LARGE1: variants seen among roughly 807,000 people sequenced by gnomAD.
The protein encoded by LARGE1 is LARGE xylosyl- and glucuronyltransferase 1, also known as xylosyl- and glucuronyltransferase LARGE1.
LARGE1 carries 43 observed loss-of-function variants against 87.6 expected under a neutral mutation model. That is an observed-to-expected ratio of 0.49 (90% confidence interval 0.38 to 0.63). The LOEUF (loss-of-function observed/expected upper bound fraction) is 0.63. LARGE1 is among the 30% of genes least tolerant of loss of function. The probability of loss-of-function intolerance (pLI) is 0.00; values close to 1 mark genes in which losing one functional copy is unlikely to be tolerated. For synonymous variants in LARGE1, 434 were observed against 394.6 expected (o/e 1.10, Z -1.18); for missense variants, 802 against 1,000.2 (o/e 0.80, Z 2.67).
intron 5 of LARGE1, among the ~76,000 whole-genome samples, chr22:33,575,282 C>T (rs2078321624): frequency 6.6e-6 from 1 of 152,188 alleles, no homozygotes; most frequent in South Asian, 2.1e-4. Flanking sequence ...TTAAGTGCCC[C>T]ACCTGAAACT....
intron 1 of LARGE1, among the ~76,000 whole-genome samples, chr22:33,861,862 T>TTTG (rs2063935110): frequency 1.1e-5 from 1 of 89,972 alleles, no homozygotes. Context: ...CAGACATTCT[T>TTTG]TTTTTTTTTT....
chr22:33,626,226 C>T lies in LARGE1; in HGVS notation c.491+18G>A. The T allele has an allele frequency of 6.2e-7, 1 of 1,610,754 alleles. No homozygotes were observed. Among genetic ancestry groups the T allele is most frequent in the Non-Finnish European group, 8.5e-7 (1 of 1,176,946 alleles). ...CAGTGACAGACCTCAGCCCACACAG[C>T]ACAGAAGTTGTTCTTACCTATGGAA... On this transcript the variant is annotated intron_variant, in intron 4 of 14. Transcript: ENST00000397394.
At chr22:33,248,487 C>T (rs1024922325) in intron 11 of LARGE1, among the ~76,000 whole-genome samples, 3 of 152,176 alleles carry the variant, frequency 2.0e-5, no homozygotes, top group African/African-American at 4.8e-5. Flanking sequence ...TGAGCCAACA[C>T]GTGAGCCACG....
intron 6 of LARGE1, among the ~76,000 whole-genome samples, chr22:33,445,620 G>A (rs919068180): frequency 3.3e-5 from 5 of 151,526 alleles, no homozygotes; most frequent in South Asian, 2.1e-4. Context: ...GGTGACAGGG[G>A]CAACACCTTT....
chr22:33,643,727 G>T (rs1044014287), intron 3 of LARGE1, among the ~76,000 whole-genome samples: 16 of 152,170 alleles, frequency 1.1e-4, no homozygotes. Flanking sequence ...TGATAAAGGG[G>T]ACATCACCAC....
At chr22:33,471,186 C>T (rs774489667) in intron 6 of LARGE1, among the ~76,000 whole-genome samples, 5 of 151,918 alleles carry the variant, frequency 3.3e-5, no homozygotes, top group Non-Finnish European at 5.9e-5. Flanking sequence ...CACTACCATG[C>T]CCAGCTCATA....
intron 6 of LARGE1, among the ~76,000 whole-genome samples, chr22:33,462,094 C>A (rs528504246): frequency 1.0e-3 from 159 of 152,224 alleles, no homozygotes; most frequent in Non-Finnish European, 1.8e-3. Context: ...ACAGATTATA[C>A]AATTTTATGA....
chr22:33,549,192 G>A (rs1303575789), intron 6 of LARGE1, among the ~76,000 whole-genome samples: 1 of 152,142 alleles, frequency 6.6e-6, no homozygotes, highest in Non-Finnish European at 1.5e-5. Flanking sequence ...TTCCACATGG[G>A]CAAGCCCAGT....
At chr22:33,808,575 C>T (rs1306695466) in intron 1 of LARGE1, among the ~76,000 whole-genome samples, 1 of 151,936 alleles carries the variant, frequency 6.6e-6, no homozygotes, top group African/African-American at 2.4e-5. Context: ...AAGCACAAGG[C>T]ACCCTGCACG....
chr22:33,159,164 G>A (rs1921947751), downstream of LARGE1, among the ~76,000 whole-genome samples: 1 of 151,884 alleles, frequency 6.6e-6, no homozygotes, highest in African/African-American at 2.4e-5. Context: ...TCCCCTTTCT[G>A]ATTCCATCAT....
chr22:33,143,328 T>C, the LARGE1 span, among the ~76,000 whole-genome samples: 2 of 152,218 alleles, frequency 1.3e-5, no homozygotes, highest in South Asian at 4.2e-4. Context: ...GTTAAAAAAA[T>C]AACCCCAACT....
intron 1 of LARGE1, among the ~76,000 whole-genome samples, chr22:33,763,344 T>C (rs1167300254): frequency 3.3e-5 from 5 of 152,076 alleles, no homozygotes; most frequent in Admixed American, 2.6e-4. Flanking sequence ...ATTTTCTAAA[T>C]GGAATTCTTT....
At chr22:33,414,416 A>G (rs943335930) in intron 7 of LARGE1, among the ~76,000 whole-genome samples, 1 of 152,126 alleles carries the variant, frequency 6.6e-6, no homozygotes, top group African/African-American at 2.4e-5. Context: ...AACAACAATA[A>G]AAGGGTGTGT....
intron 3 of LARGE1, among the ~76,000 whole-genome samples, chr22:33,648,576 G>C (rs1194437462): frequency 6.6e-6 from 1 of 152,154 alleles, no homozygotes; most frequent in Non-Finnish European, 1.5e-5. Context: ...CCTTCACCAA[G>C]GCAAGAACAG....
At chr22:33,224,638 G>C (rs1287041757) in intron 11 of LARGE1, among the ~76,000 whole-genome samples, 1 of 151,986 alleles carries the variant, frequency 6.6e-6, no homozygotes, top group Non-Finnish European at 1.5e-5. Context: ...CCTAGGACTC[G>C]GGTCCACCGT....
the LARGE1 span, among the ~76,000 whole-genome samples, chr22:33,125,807 G>A: frequency 4.7e-4 from 72 of 152,132 alleles, no homozygotes; most frequent in South Asian, 0.015. Flanking sequence ...GAGTGCAGTG[G>A]TGCAATCTTG....
At chr22:33,084,576 C>A in the LARGE1 span, among the ~76,000 whole-genome samples, 41 of 151,348 alleles carry the variant, frequency 2.7e-4, no homozygotes, top group Admixed American at 1.4e-3. Flanking sequence ...ATTGCTTGAA[C>A]CCCAAGAGGT....
Position 33,533,623 on chromosome 22 carries a change from G to A in LARGE1, c.787+31225C>T, listed in dbSNP as rs1023919087. ...ATGGGCTAATATCAAGTCGGGAAAC[G>A]TTAGCCCAGCAACTGCACTCAATAA... On this transcript the variant is annotated intron_variant, in intron 6 of 14. Coordinates refer to ENST00000397394, the MANE Select transcript of LARGE1 (RefSeq NM_133642.5). Among the ~76,000 whole-genome samples, 31 of 152,184 alleles carry A rather than the reference G, an allele frequency of 2.0e-4. 2 individuals carry two copies. Among genetic ancestry groups the A allele is most frequent in the Admixed American group, 1.6e-3 (24 of 15,280 alleles).
intron 1 of LARGE1, among the ~76,000 whole-genome samples, chr22:33,768,579 G>C (rs562464865): frequency 1.6e-4 from 24 of 152,060 alleles, no homozygotes; most frequent in African/African-American, 5.5e-4. Context: ...AGTCCCGGAG[G>C]CTCTCCCTTT....
Sources: allele counts gnomAD v4.1 joint callset (sites outside exome capture counted in the v4.1 genomes callset), GRCh38; gene constraint gnomAD v4.1.1; transcripts MANE v1.5; gene names NCBI Gene and HGNC (gene_info 2026-07-23, HGNC 2026-07-21).